The following PAX5 variants were observed in gnomAD, a reference collection of about 807,000 sequenced individuals.
The protein encoded by PAX5 is paired box 5.
In PAX5, 9 loss-of-function variants were observed where a neutral mutation model predicts 43.7. The ratio of observed to expected loss-of-function variants is 0.21; its 90% CI spans 0.12 to 0.36. PAX5 has a LOEUF of 0.36. Among genes scored for constraint, PAX5 ranks in the 10% least tolerant of loss-of-function variants. The pLI is 1.00. For synonymous variants in PAX5, 228 were observed against 214.3 expected, an observed-to-expected ratio of 1.06 and a Z score of -0.56; for missense variants, 383 against 532.7, an observed-to-expected ratio of 0.72 and a Z score of 2.77.
chr9:36,969,437 C>A (rs1834742403), intron 5 of PAX5, among the ~76,000 whole-genome samples: 2 of 152,254 alleles, frequency 1.3e-5, no homozygotes, highest in South Asian at 2.1e-4. Context: ...CCACTGAGGG[C>A]CCCTGGGGGC....
intron 5 of PAX5, among the ~76,000 whole-genome samples, chr9:36,992,472 T>G (rs1837031977): frequency 6.6e-6 from 1 of 152,180 alleles, no homozygotes; most frequent in Admixed American, 6.5e-5. Context: ...TGGCTGCTGC[T>G]GGCACAGAAG....
intron 7 of PAX5, among the ~76,000 whole-genome samples, chr9:36,911,513 G>A (rs549041835): frequency 9.8e-5 from 15 of 152,326 alleles, no homozygotes; most frequent in Admixed American, 9.1e-4. Flanking sequence ...TCCGAGGACG[G>A]CCCCGTGGCC....
intron 5 of PAX5, among the ~76,000 whole-genome samples, chr9:36,967,431 A>G (rs1322433363): frequency 1.3e-5 from 2 of 152,212 alleles, no homozygotes; most frequent in Non-Finnish European, 2.9e-5. Context: ...ACTGGAAACA[A>G]CCCAAGAGTT....
chr9:36,997,297 C>A (rs1224247229), intron 5 of PAX5, among the ~76,000 whole-genome samples: 2 of 152,210 alleles, frequency 1.3e-5, no homozygotes, highest in African/African-American at 4.8e-5. Context: ...AAACCTCTGG[C>A]CCCCACAGTC....
chr9:36,960,908 C>T (rs973002283), intron 6 of PAX5, among the ~76,000 whole-genome samples: 4 of 152,202 alleles, frequency 2.6e-5, no homozygotes, highest in East Asian at 3.9e-4. Context: ...GCTATTGCCA[C>T]GGGGCTGCAT....
chr9:36,959,538 T>G (rs117546717), intron 6 of PAX5, among the ~76,000 whole-genome samples: 10 of 152,338 alleles, frequency 6.6e-5, no homozygotes, highest in Non-Finnish European at 1.5e-4. Context: ...AAGGAGGAGC[T>G]TGGCCCTGAG....
chr9:36,980,148 T>A (rs1008353079), intron 5 of PAX5, among the ~76,000 whole-genome samples: 1 of 152,228 alleles, frequency 6.6e-6, no homozygotes, highest in African/African-American at 2.4e-5. Flanking sequence ...AAGCCAAGAC[T>A]ATGCTTAGGG....
intron 4 of PAX5, among the ~76,000 whole-genome samples, chr9:37,003,169 A>T (rs866042304): frequency 6.7e-5 from 10 of 149,354 alleles, no homozygotes; most frequent in Non-Finnish European, 1.0e-4. Context: ...AAAAAAAAAA[A>T]AAAAAAAAAA....
chr9:36,969,872 C>G (rs1834791096), intron 5 of PAX5, among the ~76,000 whole-genome samples: 1 of 152,214 alleles, frequency 6.6e-6, no homozygotes, highest in Admixed American at 6.5e-5. Context: ...GCTTTCTTTA[C>G]TAGGGAAATA....
At chr9:36,949,052 T>C (rs1260625609) in intron 6 of PAX5, among the ~76,000 whole-genome samples, 1 of 152,136 alleles carries the variant, frequency 6.6e-6, no homozygotes, top group Non-Finnish European at 1.5e-5. Context: ...TTGCTGTTTT[T>C]TTGTTTGTTT....
chr9:36,913,351 A>C (rs1829459866), intron 7 of PAX5, among the ~76,000 whole-genome samples: 1 of 152,202 alleles, frequency 6.6e-6, no homozygotes. Flanking sequence ...CTCCTCAGGG[A>C]AAAAGGCCAG....
chr9:36,953,235 G>A (rs894364079), intron 6 of PAX5, among the ~76,000 whole-genome samples: 3 of 152,078 alleles, frequency 2.0e-5, no homozygotes, highest in African/African-American at 7.2e-5. Context: ...TTCTCTATAA[G>A]TAAGGTAATT....
intron 1 of PAX5, among the ~76,000 whole-genome samples, chr9:37,024,584 G>A (rs901933920): frequency 6.6e-6 from 1 of 152,210 alleles, no homozygotes; most frequent in Non-Finnish European, 1.5e-5. Context: ...AACCGAGAGT[G>A]CTTCCAGAGA....
At chr9:36,884,610 G>C (rs542799095) in intron 7 of PAX5, among the ~76,000 whole-genome samples, 23 of 152,280 alleles carry the variant, frequency 1.5e-4, no homozygotes, top group African/African-American at 5.1e-4. Context: ...TGTTATCACT[G>C]AAAATTGTTC....
At chr9:36,943,529 T>TACACAC (rs1554668821) in intron 6 of PAX5, among the ~76,000 whole-genome samples, 8,304 of 145,814 alleles carry the variant, frequency 0.057, 275 homozygotes, top group East Asian at 0.087. Flanking sequence ...TAGTTCAACA[T>TACACAC]ACACACACAC....
At chr9:36,911,432 A>G in intron 7 of PAX5, among the ~76,000 whole-genome samples, 1 of 152,120 alleles carries the variant, frequency 6.6e-6, no homozygotes, top group Non-Finnish European at 1.5e-5. Context: ...AAGTGCTGGA[A>G]TTACAGGCAT....
At chr9:36,900,366 C>A (rs752148560) in intron 7 of PAX5, among the ~76,000 whole-genome samples, 2 of 152,190 alleles carry the variant, frequency 1.3e-5, no homozygotes, top group African/African-American at 4.8e-5. Flanking sequence ...AAAGGGTCTG[C>A]GTCCACAGGC....
chr9:36,946,701 ACCAGGACACTTT>A (rs1393870631), intron 6 of PAX5, among the ~76,000 whole-genome samples: 1 of 152,218 alleles, frequency 6.6e-6, no homozygotes, highest in African/African-American at 2.4e-5. Context: ...GGTTACGGTC[ACCAGGACACTTT>A]GCGGTTTAAG....
At chr9:36,959,275 T>C (rs1209792321) in intron 6 of PAX5, among the ~76,000 whole-genome samples, 1 of 152,222 alleles carries the variant, frequency 6.6e-6, no homozygotes, top group Non-Finnish European at 1.5e-5. Flanking sequence ...TTCTTAAACT[T>C]CTAAAACCAC....
Sources: gnomAD v4.1 joint callset for allele counts (sites outside exome capture counted in the v4.1 genomes callset) on GRCh38, gnomAD v4.1.1 for gene constraint, MANE v1.5 for transcripts, NCBI Gene and HGNC (gene_info 2026-07-23, HGNC 2026-07-21) for gene names.